Variants in FILIP1 observed in about 807,000 individuals in gnomAD.
The protein encoded by FILIP1 is filamin A interacting protein 1.
FILIP1 carries 61 observed loss-of-function variants against 102.1 expected under a neutral mutation model. The observed-to-expected ratio is 0.60, with a 90% CI of 0.49 to 0.74. The LOEUF is 0.74. FILIP1 is among the 30% of genes least tolerant of loss of function. FILIP1 has a pLI of 0.00. For missense variants in FILIP1, 1,314 were observed against 1,441.2 expected (o/e 0.91, Z 1.43); for synonymous variants, 491 against 526.9 (o/e 0.93, Z 0.93).
At chr6:75,375,187 T>C (rs2808191) in intron 2 of FILIP1, among the ~76,000 whole-genome samples, 8,533 of 152,276 alleles carry the variant, frequency 0.056, 669 homozygotes, top group African/African-American at 0.17. Flanking sequence ...TGAGGGATTG[T>C]CATGAAAGAC....
intron 1 of FILIP1, among the ~76,000 whole-genome samples, chr6:75,441,237 G>A (rs543115411): frequency 0.023 from 3,545 of 151,670 alleles, 137 homozygotes; most frequent in African/African-American, 0.081. Context: ...ATCTTGCACC[G>A]CCCTTAATCC....
intron 1 of FILIP1, among the ~76,000 whole-genome samples, chr6:75,485,968 A>AACACACACACACACACACAC (rs529165652): frequency 6.9e-6 from 1 of 145,210 alleles, no homozygotes; most frequent in Non-Finnish European, 1.5e-5. Flanking sequence ...TTCTGACCAA[A>AACACACACACACACACACAC]ACACACACAC....
At chr6:75,398,518 A>G (rs1408267795) in intron 2 of FILIP1, among the ~76,000 whole-genome samples, 1 of 152,182 alleles carries the variant, frequency 6.6e-6, no homozygotes, top group Non-Finnish European at 1.5e-5. Flanking sequence ...ATCATGAGGA[A>G]GGAAGAACCT....
chr6:75,313,781 A>G lies in FILIP1; in HGVS notation c.2051T>C (p.Ile684Thr). The change falls in exon 5 of 6, where the codon ATC becomes ACC. Residue 684 changes from isoleucine to threonine, a missense_variant. By Grantham distance (89) the Ile-to-Thr change is moderately conservative. Around this residue, in one of 3 missense-constraint regions of FILIP1, gnomAD observed 816 missense variants for 913.1 expected, o/e 0.89. Transcript: ENST00000237172. The surrounding 1 kb of genome is among the most constrained non-coding windows in gnomAD (Gnocchi z 4.2). ...TTTATTCTTGGCAATTTGGTGCTTG[A>G]TCTCCTCTAGTTGTTGAGAGAGGAA... ...ANFLSQQLEE[I>T]KHQIAKNKAI... is the part of the protein sequence containing the mutation. 6.2e-7 allele frequency: 1 copy of G among 1,602,518 alleles called. No homozygotes were observed.
At chr6:75,298,361 A>G (rs1021149693) in intron 6 of FILIP1, among the ~76,000 whole-genome samples, 1 of 152,214 alleles carries the variant, frequency 6.6e-6, no homozygotes, top group African/African-American at 2.4e-5. Flanking sequence ...AAAGGGTGGT[A>G]TTTAATACTT....
chr6:75,465,289 T>G (rs1308938923), intron 1 of FILIP1: 1 of 319,480 alleles, frequency 3.1e-6, no homozygotes, highest in East Asian at 8.0e-5. Context: ...CAATTGGGCC[T>G]CCAAGAACAA....
At chr6:75,423,678 C>T (rs1232938017) in intron 1 of FILIP1, among the ~76,000 whole-genome samples, 1 of 152,140 alleles carries the variant, frequency 6.6e-6, no homozygotes, top group Non-Finnish European at 1.5e-5. Flanking sequence ...CATTGCACAA[C>T]CAACTCTTCA....
At chr6:75,449,605 C>A (rs1198467113) in intron 1 of FILIP1, among the ~76,000 whole-genome samples, 1 of 151,960 alleles carries the variant, frequency 6.6e-6, no homozygotes, top group Non-Finnish European at 1.5e-5. Context: ...ACAGCAAGAC[C>A]CCATCTGTAT....
chr6:75,392,678 C>A (rs902628610), intron 2 of FILIP1, among the ~76,000 whole-genome samples: 3 of 152,142 alleles, frequency 2.0e-5, no homozygotes, highest in Non-Finnish European at 4.4e-5. Flanking sequence ...TGGTTTTGCT[C>A]TGTGCCCCCA....
At chr6:75,462,180 G>A (rs1015107277) in intron 1 of FILIP1, among the ~76,000 whole-genome samples, 24 of 152,046 alleles carry the variant, frequency 1.6e-4, no homozygotes, top group Middle Eastern at 3.2e-3. Flanking sequence ...CATCTCTTTA[G>A]GGCCCAGCTC....
intron 2 of FILIP1, among the ~76,000 whole-genome samples, chr6:75,414,091 T>C (rs952420783): frequency 1.3e-5 from 2 of 148,410 alleles, no homozygotes; most frequent in East Asian, 3.9e-4. Context: ...TCATACGAGA[T>C]AGTGGATGTG....
intron 3 of FILIP1, among the ~76,000 whole-genome samples, chr6:75,354,048 G>C (rs1774903724): frequency 6.6e-6 from 1 of 152,008 alleles, no homozygotes; most frequent in Non-Finnish European, 1.5e-5. Flanking sequence ...TCCAGCTTGG[G>C]TCTATTACAA....
intron 4 of FILIP1, among the ~76,000 whole-genome samples, chr6:75,352,032 C>T (rs1345064948): frequency 2.6e-5 from 4 of 152,164 alleles, no homozygotes; most frequent in Admixed American, 2.6e-4. Context: ...ACAATTTAGC[C>T]ATTGTTCACT....
chr6:75,401,713 T>C (rs1412246600), intron 2 of FILIP1, among the ~76,000 whole-genome samples: 1 of 152,092 alleles, frequency 6.6e-6, no homozygotes, highest in Non-Finnish European at 1.5e-5. Context: ...AGACCTTATC[T>C]CTCCCAAGCT....
chr6:75,441,698 C>T (rs1341276710), intron 1 of FILIP1, among the ~76,000 whole-genome samples: 228 of 140,564 alleles, frequency 1.6e-3, no homozygotes, highest in Non-Finnish European at 2.5e-3. Flanking sequence ...GGCGGCTGGC[C>T]GGGCGGGGGA....
chr6:75,300,441 A>AT (rs749646915), intron 6 of FILIP1, among the ~76,000 whole-genome samples: 6 of 152,174 alleles, frequency 3.9e-5, no homozygotes, highest in Non-Finnish European at 5.9e-5. Context: ...CAAGTACCAA[A>AT]TATCAGCTTT....
intron 6 of FILIP1, among the ~76,000 whole-genome samples, chr6:75,301,366 G>GAAA (rs1772831991): frequency 6.6e-6 from 1 of 152,130 alleles, no homozygotes; most frequent in Non-Finnish European, 1.5e-5. Context: ...AATGAATAAT[G>GAAA]TACTGGGAGA....
intron 2 of FILIP1, among the ~76,000 whole-genome samples, chr6:75,380,152 CAAA>C (rs1194947540): frequency 2.0e-5 from 3 of 146,804 alleles, no homozygotes; most frequent in Non-Finnish European, 4.5e-5. Context: ...TCTGAAATAA[CAAA>C]GAAAAAAATA....
At chr6:75,481,552 G>T (rs1027315585) in intron 1 of FILIP1, among the ~76,000 whole-genome samples, 2 of 152,148 alleles carry the variant, frequency 1.3e-5, no homozygotes, top group Non-Finnish European at 2.9e-5. Context: ...CTCCCTGCCT[G>T]TGTCAGAATG....
Sources: gnomAD v4.1 joint callset for allele counts (sites outside exome capture counted in the v4.1 genomes callset) on GRCh38, gnomAD v4.1.1 for gene constraint, gnomAD v4.1.1 regional missense constraint, Gnocchi (gnomAD v3.1) non-coding constraint, MANE v1.5 for transcripts, NCBI Gene and HGNC (gene_info 2026-07-23, HGNC 2026-07-21) for gene names.